The following SLC24A3 variants were observed in gnomAD, a reference collection of about 807,000 sequenced individuals.
The protein encoded by SLC24A3 is solute carrier family 24 member 3.
A neutral mutation model predicts 75.8 loss-of-function variants in SLC24A3; 28 were observed. That is an observed-to-expected ratio of 0.37 (90% CI 0.27 to 0.51). The LOEUF (loss-of-function observed/expected upper bound fraction) is 0.51. Among genes scored for constraint, SLC24A3 ranks in the 20% least tolerant of loss-of-function variants. SLC24A3 has a pLI of 0.94. For synonymous variants in SLC24A3, 372 were observed against 334.1 expected, an observed-to-expected ratio of 1.11 and a Z score of -1.24; for missense variants, 663 against 847.8, an observed-to-expected ratio of 0.78 and a Z score of 2.71.
chr20:19,496,542 GT>G (rs1331872199), intron 2 of SLC24A3, among the ~76,000 whole-genome samples: 1 of 152,214 alleles, frequency 6.6e-6, no homozygotes, highest in African/African-American at 2.4e-5. Flanking sequence ...TCAAGAGAAT[GT>G]TTGTGGAAGA....
chr20:19,713,247 C>T (rs2033009004), intron 15 of SLC24A3, among the ~76,000 whole-genome samples: 1 of 152,152 alleles, frequency 6.6e-6, no homozygotes, highest in African/African-American at 2.4e-5. Flanking sequence ...ATGCCCTGCT[C>T]TTAAAAAAAT....
At chr20:19,567,536 A>G (rs6035377) in intron 3 of SLC24A3, among the ~76,000 whole-genome samples, 117,078 of 152,096 alleles carry the variant, frequency 0.77, 45,763 homozygotes, top group South Asian at 0.89. Context: ...GTGAGGATTG[A>G]AAAACTACCT....
chr20:19,285,112 GA>G (rs946119181), intron 2 of SLC24A3, among the ~76,000 whole-genome samples: 1 of 152,118 alleles, frequency 6.6e-6, no homozygotes, highest in Non-Finnish European at 1.5e-5. Flanking sequence ...TGGTGCCAGA[GA>G]AAGCCCAGGG....
At chr20:19,480,905 G>T (rs958856620) in intron 2 of SLC24A3, among the ~76,000 whole-genome samples, 5 of 152,158 alleles carry the variant, frequency 3.3e-5, no homozygotes, top group African/African-American at 1.2e-4. Context: ...AAATCCAATA[G>T]AATTTAACAA....
At chr20:19,442,857 G>A (rs1987318900) in intron 2 of SLC24A3, among the ~76,000 whole-genome samples, 1 of 152,074 alleles carries the variant, frequency 6.6e-6, no homozygotes, top group African/African-American at 2.4e-5. Flanking sequence ...TCCATTTTGA[G>A]TTAATTTTTG....
intron 2 of SLC24A3, among the ~76,000 whole-genome samples, chr20:19,368,949 A>T (rs1985943865): frequency 6.6e-6 from 1 of 152,228 alleles, no homozygotes; most frequent in African/African-American, 2.4e-5. Flanking sequence ...GTGGGTCCAC[A>T]TGTGAATGAA....
intron 15 of SLC24A3, among the ~76,000 whole-genome samples, chr20:19,714,329 C>T (rs1316506546): frequency 1.4e-5 from 2 of 146,546 alleles, no homozygotes; most frequent in African/African-American, 2.5e-5. Flanking sequence ...CACTTGGGCA[C>T]AGGAGTTCAA....
At chr20:19,258,742 A>G (rs6035268) in intron 1 of SLC24A3, among the ~76,000 whole-genome samples, 100,012 of 151,962 alleles carry the variant, frequency 0.66, 33,610 homozygotes, top group East Asian at 0.96. Flanking sequence ...GCAGATATAA[A>G]AGTGAACATT....
intron 2 of SLC24A3, among the ~76,000 whole-genome samples, chr20:19,360,445 G>C (rs1450524925): frequency 6.6e-6 from 1 of 152,208 alleles, no homozygotes; most frequent in Non-Finnish European, 1.5e-5. Context: ...AGCTGAATCT[G>C]TGAATGTCAA....
chr20:19,554,412 C>G (rs2030750134), intron 3 of SLC24A3, among the ~76,000 whole-genome samples: 1 of 152,008 alleles, frequency 6.6e-6, no homozygotes, highest in African/African-American at 2.4e-5. Context: ...GGAAGTGCTT[C>G]TAACAGAGTT....
intron 6 of SLC24A3, among the ~76,000 whole-genome samples, chr20:19,622,942 C>T (rs186023031): frequency 1.4e-4 from 21 of 152,202 alleles, no homozygotes; most frequent in African/African-American, 4.6e-4. Flanking sequence ...GCTCTTTAAA[C>T]AGTCAGCTCT....
At chr20:19,483,744 C>CT (rs1240533564) in intron 2 of SLC24A3, among the ~76,000 whole-genome samples, 1 of 152,172 alleles carries the variant, frequency 6.6e-6, no homozygotes, top group Non-Finnish European at 1.5e-5. Context: ...CTTCTTGCAA[C>CT]TGTGGGGCCA....
chr20:19,304,968 G>C (rs1459361639), intron 2 of SLC24A3, among the ~76,000 whole-genome samples: 4 of 152,114 alleles, frequency 2.6e-5, no homozygotes, highest in Non-Finnish European at 5.9e-5. Context: ...CAAAGTAACA[G>C]TTGTGTTCTA....
At chr20:19,677,608 T>C (rs1157031687) in intron 9 of SLC24A3, among the ~76,000 whole-genome samples, 1 of 151,978 alleles carries the variant, frequency 6.6e-6, no homozygotes, top group Admixed American at 6.6e-5. Flanking sequence ...ATCATACTAG[T>C]TCATCCACAA....
chr20:19,633,028 C>T (rs1382554240), intron 6 of SLC24A3, among the ~76,000 whole-genome samples: 1 of 152,200 alleles, frequency 6.6e-6, no homozygotes. Context: ...ACTTTTGAGT[C>T]ATTCAGCTGG....
intron 15 of SLC24A3, among the ~76,000 whole-genome samples, chr20:19,712,430 G>A (rs905146102): frequency 6.6e-6 from 1 of 152,062 alleles, no homozygotes; most frequent in South Asian, 2.1e-4. Flanking sequence ...GCACCATAGG[G>A]ACAATAGTGA....
At chr20:19,717,498 C>T in intron 15 of SLC24A3, 30 bp from the exon 16 acceptor site, 8 of 1,612,052 alleles carry the variant, frequency 5.0e-6, no homozygotes, top group Non-Finnish European at 6.8e-6. Flanking sequence ...CCTAGCTTGT[C>T]AGAAGCCTAA....
chr20:19,602,221 T>C (rs2122654216), intron 6 of SLC24A3, among the ~76,000 whole-genome samples: 1 of 152,326 alleles, frequency 6.6e-6, no homozygotes, highest in South Asian at 2.1e-4. Context: ...CTAACATGTA[T>C]TGATGGCTCC....
intron 2 of SLC24A3, among the ~76,000 whole-genome samples, chr20:19,440,179 A>G (rs1568618516): frequency 6.6e-6 from 1 of 152,228 alleles, no homozygotes; most frequent in Admixed American, 6.5e-5. Context: ...AAGCTCAGAG[A>G]TATCCAATGT....
Sources: allele counts gnomAD v4.1 joint callset (sites outside exome capture counted in the v4.1 genomes callset), GRCh38; gene constraint gnomAD v4.1.1; transcripts MANE v1.5; gene names NCBI Gene and HGNC (gene_info 2026-07-23, HGNC 2026-07-21).